CLSTN1: variants seen among roughly 807,000 people sequenced by gnomAD.
CLSTN1 encodes the protein calsyntenin-1.
In CLSTN1, 28 loss-of-function variants were observed where a neutral mutation model predicts 108.3. The ratio of observed to expected loss-of-function variants is 0.26; its 90% CI spans 0.19 to 0.35. The LOEUF (loss-of-function observed/expected upper bound fraction) is 0.35. CLSTN1 is among the 10% of genes least tolerant of loss of function. CLSTN1 has a pLI of 1.00. For missense variants in CLSTN1, 1,157 were observed against 1,302.6 expected (o/e 0.89, Z 1.72); for synonymous variants, 524 against 534.9 (o/e 0.98, Z 0.28).
At chr1:9,765,701 G>A (rs1335424461) in intron 2 of CLSTN1, among the ~76,000 whole-genome samples, 1 of 151,816 alleles carries the variant, frequency 6.6e-6, no homozygotes, top group East Asian at 1.9e-4. Context: ...CCAACAAAGC[G>A]GAACCCTCCC....
At chr1:9,771,416 C>G (rs1652667859) in intron 2 of CLSTN1, among the ~76,000 whole-genome samples, 1 of 152,128 alleles carries the variant, frequency 6.6e-6, no homozygotes, top group Admixed American at 6.6e-5. Flanking sequence ...GAGTTCAAGA[C>G]CAGCCTGGCC....
chr1:9,822,749 GT>G lies in CLSTN1; in HGVS notation c.91+893del, dbSNP rs552158235. 2.7e-4 allele frequency among the ~76,000 whole-genome samples: 41 copies of G among 152,264 alleles called. No homozygotes were observed. The South Asian group carries it at 8.3e-3, about 31-fold the overall frequency. The stretch of plus-strand genomic sequence containing the variant: ...GGTTTAAAAGGTTAAGTGGATGAAG[GT>G]TAAAAGCTAATAATAAATTAGCCAA... On this transcript the variant is annotated intron_variant, in intron 1 of 18. Transcript: ENST00000377298.
intron 1 of CLSTN1, among the ~76,000 whole-genome samples, chr1:9,807,020 G>A (rs1016017019): frequency 4.6e-5 from 7 of 151,790 alleles, no homozygotes; most frequent in Admixed American, 4.6e-4. Context: ...GTGGGGGGGG[G>A]TCTGGAGCAG....
At chr1:9,782,700 G>A (rs1340219036) in intron 1 of CLSTN1, among the ~76,000 whole-genome samples, 1 of 152,202 alleles carries the variant, frequency 6.6e-6, no homozygotes, top group Non-Finnish European at 1.5e-5. Flanking sequence ...ACCCAACTCT[G>A]TGGGCTAAAG....
chr1:9,742,083 C>T (rs896931459), intron 9 of CLSTN1, among the ~76,000 whole-genome samples: 3 of 152,180 alleles, frequency 2.0e-5, no homozygotes, highest in Admixed American at 6.5e-5. Flanking sequence ...TGTGTGAACA[C>T]GCATCAGCCA....
chr1:9,738,401 C>T (rs1650801988), intron 10 of CLSTN1, among the ~76,000 whole-genome samples: 1 of 152,180 alleles, frequency 6.6e-6, no homozygotes, highest in Non-Finnish European at 1.5e-5. Flanking sequence ...CCCTTTTGGG[C>T]TGCGGCTGTG....
chr1:9,787,131 C>T (rs1159608892), intron 1 of CLSTN1, among the ~76,000 whole-genome samples: 1 of 150,890 alleles, frequency 6.6e-6, no homozygotes, highest in Non-Finnish European at 1.5e-5. Flanking sequence ...TGGGGCTGTC[C>T]CCAACTAGAA....
In CLSTN1 at chr1:9,735,963, C is replaced by T. The variant is rs986579316; in HGVS notation, c.1656G>A (p.Lys552=). ...AGGTATACAGACAGTCGATCACCTT[C>T]TTATCCGCGAGTTTCCCGGAACGGA... The part of the protein sequence containing the change: ...LTLRSGKLAD[K]KVIDCLYTCK... The change falls in exon 12 of 19, where the codon AAG becomes AAA. Residue 552 remains lysine, a synonymous_variant. Coordinates refer to ENST00000377298, the MANE Select transcript of CLSTN1 (RefSeq NM_001009566.3). The T allele has an allele frequency of 6.2e-7, 1 of 1,614,088 alleles. No individual in the cohort carries two copies.
intron 2 of CLSTN1, among the ~76,000 whole-genome samples, chr1:9,762,545 C>T (rs1184154333): frequency 6.6e-6 from 1 of 150,604 alleles, no homozygotes; most frequent in Non-Finnish European, 1.5e-5. Context: ...GGTGCCCACA[C>T]TCAACGGCTC....
At chr1:9,806,675 T>C (rs891807110) in intron 1 of CLSTN1, among the ~76,000 whole-genome samples, 1 of 152,126 alleles carries the variant, frequency 6.6e-6, no homozygotes, top group East Asian at 1.9e-4. Context: ...GTCAGGAGAT[T>C]GAGACCATCC....
At chr1:9,797,753 G>C (rs1346991103) in intron 1 of CLSTN1, among the ~76,000 whole-genome samples, 1 of 152,132 alleles carries the variant, frequency 6.6e-6, no homozygotes, top group Non-Finnish European at 1.5e-5. Flanking sequence ...CTGATACGGA[G>C]AGAGAGAGGG....
chr1:9,809,767 G>A (rs977982032), intron 1 of CLSTN1, among the ~76,000 whole-genome samples: 9 of 151,638 alleles, frequency 5.9e-5, no homozygotes, highest in African/African-American at 2.2e-4. Context: ...CGGGCGCGGT[G>A]GTGGGTGCCT....
chr1:9,733,731 G>C (rs528713358), intron 15 of CLSTN1, among the ~76,000 whole-genome samples, 185 bp from the exon 16 acceptor site: 1 of 152,278 alleles, frequency 6.6e-6, no homozygotes, highest in African/African-American at 2.4e-5. Flanking sequence ...TCCCTCTGTG[G>C]GGGACGTGTC....
chr1:9,745,765 G>GTTTTT (rs778360021), intron 7 of CLSTN1, among the ~76,000 whole-genome samples: 32 of 100,930 alleles, frequency 3.2e-4, no homozygotes, highest in Non-Finnish European at 4.5e-4. Flanking sequence ...CTGAATAGTT[G>GTTTTT]TTTTTTTTTT....
At chr1:9,752,327 T>C (rs1055616128) in intron 4 of CLSTN1, among the ~76,000 whole-genome samples, 1 of 152,104 alleles carries the variant, frequency 6.6e-6, no homozygotes, top group Non-Finnish European at 1.5e-5. Context: ...AAAAAAACTG[T>C]AGGTTTCAAG....
rs79547703 is a variant in CLSTN1, at chr1:9,738,123, A to G, written c.1520-569T>C. Among the ~76,000 whole-genome samples the G allele has an allele frequency of 4.3e-3, 660 of 152,350 alleles. 12 individuals carry two copies. The highest frequency in any genetic ancestry group is 0.042 in the East Asian group (220 of 5,186). On this transcript the variant is annotated intron_variant, in intron 10 of 18. Transcript: ENST00000377298. ...CTTTGGGCGACAGAGGAAAGAAGAC[A>G]TTCTCAATCACTTTTTCTGAATGAG...
At chr1:9,787,938 T>C (rs1653571415) in intron 1 of CLSTN1, among the ~76,000 whole-genome samples, 1 of 151,360 alleles carries the variant, frequency 6.6e-6, no homozygotes, top group African/African-American at 2.4e-5. Flanking sequence ...CACCATTCTA[T>C]TTTCTGTCTC....
intron 10 of CLSTN1, among the ~76,000 whole-genome samples, chr1:9,740,280 G>A (rs541543463): frequency 1.1e-4 from 16 of 151,364 alleles, no homozygotes; most frequent in Admixed American, 5.9e-4. Context: ...GGCTGGTCTC[G>A]AACTCCTGAC....
chr1:9,798,872 T>C (rs1654129146), intron 1 of CLSTN1, among the ~76,000 whole-genome samples: 1 of 152,108 alleles, frequency 6.6e-6, no homozygotes, highest in South Asian at 2.1e-4. Context: ...CACAAGGCAA[T>C]TGCTGCCCCC....
Sources: allele counts gnomAD v4.1 joint callset (sites outside exome capture counted in the v4.1 genomes callset), GRCh38; gene constraint gnomAD v4.1.1; transcripts MANE v1.5; gene names NCBI Gene and HGNC (gene_info 2026-07-23, HGNC 2026-07-21).